Variants in KCNIP1 observed in about 807,000 individuals in gnomAD.
KCNIP1 encodes the protein potassium voltage-gated channel interacting protein 1, also known as A-type potassium channel modulatory protein KCNIP1.
In KCNIP1, 18 loss-of-function variants were observed where a neutral mutation model predicts 33.0. The observed-to-expected ratio is 0.55, with a 90% CI of 0.38 to 0.81. KCNIP1 has a LOEUF of 0.81. Among genes scored for constraint, KCNIP1 ranks in the 30% least tolerant of loss-of-function variants. The probability of loss-of-function intolerance (pLI) is 0.00; values close to 1 mark genes in which losing one functional copy is unlikely to be tolerated. For missense variants in KCNIP1, 238 were observed against 271.6 expected, an observed-to-expected ratio of 0.88 and a Z score of 0.87; for synonymous variants, 93 against 98.3, an observed-to-expected ratio of 0.95 and a Z score of 0.32.
intron 1 of KCNIP1, among the ~76,000 whole-genome samples, chr5:170,452,170 G>A (rs1215590088): frequency 6.6e-6 from 1 of 152,224 alleles, no homozygotes; most frequent in Non-Finnish European, 1.5e-5. Context: ...GATTAGAGAC[G>A]CACTGTGTGG....
rs534536672 is a variant in KCNIP1 at position 170,369,322 on chromosome 5, C to T, written c.88+15358C>T. On this transcript the variant is annotated intron_variant, in intron 1 of 7. Coordinates refer to the KCNIP1 transcript ENST00000377360. ...GAATGTATGTGTGTAAAGGGCTTGGCGAAGAGTGCCACACACCCTTGATCA... is the reference window on the plus strand; with the variant it reads ...GAATGTATGTGTGTAAAGGGCTTGGTGAAGAGTGCCACACACCCTTGATCA... Among the ~76,000 whole-genome samples, 69 of 152,238 alleles carry T rather than the reference C, an allele frequency of 4.5e-4. No individual in the cohort carries two copies. In the Middle Eastern group the frequency reaches 0.031, roughly 68 times the overall value.
chr5:170,368,326 G>A (rs112409799), intron 1 of KCNIP1, among the ~76,000 whole-genome samples: 94 of 152,150 alleles, frequency 6.2e-4, no homozygotes, highest in African/African-American at 1.8e-3. Flanking sequence ...GTGCAGTGGC[G>A]CAATCTCAGC....
intron 1 of KCNIP1, among the ~76,000 whole-genome samples, chr5:170,545,605 G>A (rs375175561): frequency 6.6e-6 from 1 of 151,720 alleles, no homozygotes; most frequent in South Asian, 2.1e-4. Flanking sequence ...TTTACCTATT[G>A]TTCTGTCTTT....
intron 1 of KCNIP1, among the ~76,000 whole-genome samples, chr5:170,493,344 T>C (rs1396329663): frequency 6.6e-6 from 1 of 152,152 alleles, no homozygotes; most frequent in Admixed American, 6.5e-5. Context: ...CAGCAGAAAT[T>C]CATGAGATAT....
intron 1 of KCNIP1, chr5:170,383,874 A>T: frequency 6.2e-7 from 1 of 1,611,812 alleles, no homozygotes; most frequent in African/African-American, 1.3e-5. Flanking sequence ...ACACATGCAC[A>T]CATACACATC....
At chr5:170,718,925 C>A (rs753133567) in intron 2 of KCNIP1, 43 bp downstream of exon 2, 13 of 1,590,368 alleles carry the variant, frequency 8.2e-6, no homozygotes, top group African/African-American at 1.4e-5. Flanking sequence ...GGGGTTCCCA[C>A]GTGAGGCTAC....
At position 170,720,372 on chromosome 5, in the gene KCNIP1, C is replaced by T; in HGVS notation, c.238C>T (p.Gln80Ter). 1 of 1,613,912 alleles carries T rather than the reference C, an allele frequency of 6.2e-7. No individual in the cohort carries two copies. Among genetic ancestry groups the T allele is most frequent in the Non-Finnish European group, 8.5e-7 (1 of 1,179,782 alleles). ...NEDTFKQIYAQFFPHGDASTY... is the reference protein window; with the variant it reads ...NEDTFKQIYA ...AGACACATTCAAGCAGATCTATGCT[C>T]AGTTTTTCCCTCATGGAGGTGAGTC... The change falls in exon 3 of 8, where the codon CAG becomes TAG. Residue 80 changes from glutamine to a stop codon, truncating the protein, a stop_gained. Coordinates refer to ENST00000328939, the MANE Select transcript of KCNIP1 (RefSeq NM_014592.4). LOFTEE classifies it high-confidence loss of function.
intron 1 of KCNIP1, among the ~76,000 whole-genome samples, chr5:170,630,281 G>A (rs1760006264): frequency 6.6e-6 from 1 of 152,358 alleles, no homozygotes; most frequent in Admixed American, 6.5e-5. Context: ...ATGGATGGAT[G>A]CATTAGGCAG....
At chr5:170,483,976 A>G (rs1344584070) in intron 1 of KCNIP1, 1 of 152,162 alleles carries the variant, frequency 6.6e-6, no homozygotes, top group African/African-American at 2.4e-5. Context: ...CCACCTCATC[A>G]CTTTGCTGCC....
At chr5:170,383,618 G>GT in intron 1 of KCNIP1, 1 of 1,581,938 alleles carries the variant, frequency 6.3e-7, no homozygotes, top group Non-Finnish European at 8.7e-7. Flanking sequence ...GGACAGTTAG[G>GT]AACAGGCTCA....
chr5:170,430,482 G>A (rs1290220504), intron 1 of KCNIP1, among the ~76,000 whole-genome samples: 2 of 152,050 alleles, frequency 1.3e-5, no homozygotes, highest in African/African-American at 4.8e-5. Context: ...CCAGCTCATG[G>A]GTCCTCTCCC....
intron 1 of KCNIP1, among the ~76,000 whole-genome samples, chr5:170,639,997 C>T (rs912249326): frequency 2.6e-5 from 4 of 152,250 alleles, no homozygotes; most frequent in African/African-American, 9.6e-5. Flanking sequence ...CCAATATCAC[C>T]CCATGGCTGC....
At chr5:170,626,240 G>A (rs1453148006) in intron 1 of KCNIP1, among the ~76,000 whole-genome samples, 1 of 152,202 alleles carries the variant, frequency 6.6e-6, no homozygotes, top group Non-Finnish European at 1.5e-5. Flanking sequence ...TTGTCATGCA[G>A]GTAGGAGCAT....
chr5:170,447,744 G>A (rs904148592), intron 1 of KCNIP1, among the ~76,000 whole-genome samples: 5 of 151,868 alleles, frequency 3.3e-5, no homozygotes, highest in African/African-American at 7.3e-5. Flanking sequence ...GTGGGCCAAC[G>A]AATGTCACTT....
rs903071616 is a variant in KCNIP1, at chr5:170,651,053, G to A, written c.62-67705G>A. ...AAATTTAGGCCCAAAGCCAGGAGAA[G>A]GGGTGAGTAGGGCTTGATCTCTGCC... is the stretch of plus-strand genomic sequence containing the variant. On this transcript the variant is annotated intron_variant, in intron 1 of 7. Transcript: ENST00000328939. 5.9e-5 allele frequency among the ~76,000 whole-genome samples: 9 copies of A among 152,326 alleles called. No individual in the cohort carries two copies. The South Asian group carries it at 1.9e-3, about 32-fold the overall frequency.
intron 1 of KCNIP1, among the ~76,000 whole-genome samples, chr5:170,382,033 AG>A (rs1323623882): frequency 6.6e-6 from 1 of 151,948 alleles, no homozygotes; most frequent in African/African-American, 2.4e-5. Flanking sequence ...GCCCCATCCC[AG>A]GCACCCTGCC....
intron 1 of KCNIP1, among the ~76,000 whole-genome samples, chr5:170,498,739 C>T (rs1757356448): frequency 6.6e-6 from 1 of 152,162 alleles, no homozygotes; most frequent in South Asian, 2.1e-4. Flanking sequence ...AAGCAAATAA[C>T]AATAAAGGAC....
At chr5:170,400,702 G>A (rs1044221392) in intron 1 of KCNIP1, among the ~76,000 whole-genome samples, 1 of 152,148 alleles carries the variant, frequency 6.6e-6, no homozygotes. Flanking sequence ...TTATAGATGG[G>A]GACACTGAGG....
intron 1 of KCNIP1, among the ~76,000 whole-genome samples, chr5:170,620,658 T>A (rs1759566365): frequency 6.6e-6 from 1 of 152,216 alleles, no homozygotes; most frequent in Non-Finnish European, 1.5e-5. Flanking sequence ...CGTATCAGGT[T>A]GAATTTTTGG....
Sources: allele counts gnomAD v4.1 joint callset (sites outside exome capture counted in the v4.1 genomes callset), GRCh38; gene constraint gnomAD v4.1.1; transcripts MANE v1.5; gene names NCBI Gene and HGNC (gene_info 2026-07-23, HGNC 2026-07-21).